Variants in DCLK3 observed in about 807,000 individuals in gnomAD.
DCLK3 encodes the protein serine/threonine-protein kinase DCLK3.
In DCLK3, 30 loss-of-function variants were observed where a neutral mutation model predicts 46.4. The observed-to-expected ratio is 0.65, with a 90% CI of 0.48 to 0.88. The LOEUF is 0.88. Among genes scored for constraint, DCLK3 ranks in the 40% least tolerant of loss-of-function variants. The pLI is 0.00. For missense variants in DCLK3, 846 were observed against 907.1 expected, an observed-to-expected ratio of 0.93 and a Z score of 0.87; for synonymous variants, 401 against 339.2, an observed-to-expected ratio of 1.18 and a Z score of -2.00.
At chr3:36,733,859 A>C (rs1254282359) in intron 2 of DCLK3, among the ~76,000 whole-genome samples, 1 of 152,218 alleles carries the variant, frequency 6.6e-6, no homozygotes, top group Non-Finnish European at 1.5e-5. Context: ...TGATTAAAAC[A>C]TGAAAGCTTA....
intron 1 of DCLK3, among the ~76,000 whole-genome samples, chr3:36,760,092 G>A (rs1357103051): frequency 1.3e-5 from 2 of 152,134 alleles, no homozygotes; most frequent in Middle Eastern, 3.2e-3. Flanking sequence ...AAGGAAGCTG[G>A]GTTTGATCCA....
chr3:36,725,210 G>T (rs62245174), intron 2 of DCLK3, among the ~76,000 whole-genome samples: 1 of 151,950 alleles, frequency 6.6e-6, no homozygotes, highest in Non-Finnish European at 1.5e-5. Flanking sequence ...TACTCTGAAG[G>T]CTGAGGCAGA....
At chr3:36,749,570 G>A (rs1046839045) in intron 1 of DCLK3, among the ~76,000 whole-genome samples, 2 of 152,190 alleles carry the variant, frequency 1.3e-5, no homozygotes, top group Non-Finnish European at 2.9e-5. Flanking sequence ...ATCTTAGATA[G>A]GTGTAAGGAT....
chr3:36,718,255 T>C (rs1701010789), intron 3 of DCLK3, 78 bp from the exon 4 acceptor site: 4 of 1,594,086 alleles, frequency 2.5e-6, no homozygotes, highest in South Asian at 1.1e-5. Flanking sequence ...TGATGGAGTA[T>C]TGTGGTTCTA....
At chr3:36,747,327 C>CA (rs1701402216) in intron 1 of DCLK3, among the ~76,000 whole-genome samples, 1 of 151,756 alleles carries the variant, frequency 6.6e-6, no homozygotes, top group African/African-American at 2.4e-5. Flanking sequence ...GTGAAAATCC[C>CA]AAAAAGGTAG....
intron 1 of DCLK3, among the ~76,000 whole-genome samples, chr3:36,756,231 C>T (rs1225138704): frequency 6.6e-6 from 1 of 152,200 alleles, no homozygotes; most frequent in African/African-American, 2.4e-5. Flanking sequence ...GTAGAACATG[C>T]CTCAGAGTTA....
At chr3:36,750,424 A>C (rs1701429966) in intron 1 of DCLK3, among the ~76,000 whole-genome samples, 1 of 152,224 alleles carries the variant, frequency 6.6e-6, no homozygotes. Context: ...AGAAATAAAT[A>C]AGCTAAATAG....
intron 2 of DCLK3, among the ~76,000 whole-genome samples, chr3:36,735,018 T>C (rs922313264): frequency 2.1e-4 from 32 of 152,202 alleles, no homozygotes; most frequent in African/African-American, 7.2e-4. Flanking sequence ...AAATGCAAAC[T>C]AAGCTAACTG....
At chr3:36,717,588 A>C (rs1305714468) in intron 4 of DCLK3, among the ~76,000 whole-genome samples, 1 of 152,138 alleles carries the variant, frequency 6.6e-6, no homozygotes, top group Non-Finnish European at 1.5e-5. Context: ...AATAACTGAG[A>C]TCTTCATTGC....
At chr3:36,750,793 C>T (rs936182635) in intron 1 of DCLK3, among the ~76,000 whole-genome samples, 2 of 152,094 alleles carry the variant, frequency 1.3e-5, no homozygotes, top group African/African-American at 4.8e-5. Context: ...TTCCGCAGAT[C>T]GTGAATGTTT....
Position 36,718,103 on chromosome 3 carries a change from G to A in DCLK3, c.2167C>T (p.Arg723Cys), listed in dbSNP as rs374711533. Reference sequence around the variant, plus strand: ...TCGTCCTGGTCCCTCTCAGGGCTGCGGAATGGGGGAAAGCCACACAGCAGG... The same window carrying A: ...TCGTCCTGGTCCCTCTCAGGGCTGCAGAATGGGGGAAAGCCACACAGCAGG... ...YILLCGFPPFRSPERDQDELF... is the reference protein window; with the variant it reads ...YILLCGFPPFCSPERDQDELF... Residue 723 changes from arginine (R) to cysteine (C), a missense_variant, in exon 4 of 5, where the codon CGC (arginine) becomes TGC (cysteine). Physicochemically the swap from Arg to Cys is radical, Grantham distance 180. This residue lies in a region of DCLK3 where 247 missense variants were observed against 322.8 expected (regional missense o/e 0.77). Coordinates refer to ENST00000636136, the MANE Select transcript of DCLK3 (RefSeq NM_001394672.2). The A allele has an allele frequency of 2.0e-4, 319 of 1,614,024 alleles. No individual in the cohort carries two copies. Among genetic ancestry groups the A allele is most frequent in the Non-Finnish European group, 2.5e-4 (292 of 1,180,030 alleles).
In DCLK3 at chr3:36,714,085, G is replaced by T. The variant is rs1051629334; in HGVS notation, c.*1243C>A. On this transcript the variant is annotated 3_prime_UTR_variant, in exon 5 of 5. Transcript: ENST00000636136. ...TCTAATAACCCCAACTTCTTCCCTT[G>T]GTTCTCCAAAGAACAGGAGCCACTT... 6.6e-6 allele frequency: 1 copy of T among 152,152 alleles called. No homozygotes were observed. The highest frequency in any genetic ancestry group is 2.4e-5 in the African/African-American group (1 of 41,432). The allele number at this position is 152,152 out of a possible 1,614,324, so 9.4% of individuals were successfully genotyped here.
At chr3:36,756,938 G>A (rs1384350880) in intron 1 of DCLK3, among the ~76,000 whole-genome samples, 2 of 151,352 alleles carry the variant, frequency 1.3e-5, no homozygotes, top group Non-Finnish European at 3.0e-5. Context: ...TCTCCCTGGA[G>A]GGCCTCAGAG....
intron 1 of DCLK3, among the ~76,000 whole-genome samples, chr3:36,754,027 G>T (rs1456378111): frequency 2.6e-5 from 4 of 152,124 alleles, no homozygotes; most frequent in Non-Finnish European, 4.4e-5. Flanking sequence ...TTTCATTCAT[G>T]TTACAGAATG....
intron 2 of DCLK3, among the ~76,000 whole-genome samples, chr3:36,730,562 TA>T (rs1289483689): frequency 2.6e-5 from 4 of 152,148 alleles, no homozygotes; most frequent in Non-Finnish European, 5.9e-5. Flanking sequence ...TATGAAAAAG[TA>T]AAAGTGGGAT....
chr3:36,713,851 C>T lies in DCLK3; in HGVS notation c.*1477G>A, dbSNP rs1700941656. Reference sequence around the variant, plus strand: ...TGTTTGGGACAAAGGAGCTGAGCCACCATACCCTACAGGGACTAGTCATTT... The same window carrying T: ...TGTTTGGGACAAAGGAGCTGAGCCATCATACCCTACAGGGACTAGTCATTT... On this transcript the variant is annotated 3_prime_UTR_variant, in exon 5 of 5. Coordinates refer to ENST00000636136, the MANE Select transcript of DCLK3 (RefSeq NM_001394672.2). 1 of 152,222 alleles carries T rather than the reference C, an allele frequency of 6.6e-6. No homozygotes were observed. Among genetic ancestry groups the T allele is most frequent in the South Asian group, 2.1e-4 (1 of 4,830 alleles). 9.4% of individuals were successfully genotyped at this position (152,222 alleles called of 1,614,324 possible).
chr3:36,752,429 G>A (rs1298050872), intron 1 of DCLK3, among the ~76,000 whole-genome samples: 1 of 152,142 alleles, frequency 6.6e-6, no homozygotes, highest in Non-Finnish European at 1.5e-5. Context: ...TGCTTCTAGG[G>A]AAACCAGACC....
chr3:36,744,227 T>C (rs536126061), intron 1 of DCLK3, among the ~76,000 whole-genome samples: 19 of 152,262 alleles, frequency 1.2e-4, no homozygotes, highest in African/African-American at 4.6e-4. Context: ...CAAACACAAA[T>C]ATCTAGCTTC....
At chr3:36,754,185 C>T (rs1701467435) in intron 1 of DCLK3, among the ~76,000 whole-genome samples, 2 of 152,206 alleles carry the variant, frequency 1.3e-5, no homozygotes, top group Non-Finnish European at 2.9e-5. Context: ...CAATGCATGG[C>T]TTTTATGCTT....
Sources: allele counts gnomAD v4.1 joint callset (sites outside exome capture counted in the v4.1 genomes callset), GRCh38; gene constraint gnomAD v4.1.1; regional missense constraint gnomAD v4.1.1; transcripts MANE v1.5; gene names NCBI Gene and HGNC (gene_info 2026-07-23, HGNC 2026-07-21).